Variants in SVEP1 observed in about 807,000 individuals in gnomAD.
The protein encoded by SVEP1 is sushi, von Willebrand factor type A, EGF and pentraxin domain-containing protein 1.
SVEP1 carries 164 observed loss-of-function variants against 367.3 expected under a neutral mutation model. That is an observed-to-expected ratio of 0.45 (90% CI 0.39 to 0.51). The LOEUF is 0.51. Among genes scored for constraint, SVEP1 ranks in the 20% least tolerant of loss-of-function variants. SVEP1 has a pLI of 0.00. For synonymous variants in SVEP1, 1,666 were observed against 1,611.6 expected, an observed-to-expected ratio of 1.03 and a Z score of -0.81; for missense variants, 4,117 against 4,425.3, an observed-to-expected ratio of 0.93 and a Z score of 1.98.
chr9:110,468,884 CA>C, intron 17 of SVEP1, 55 bp downstream of exon 17: 1 of 1,482,896 alleles, frequency 6.7e-7, no homozygotes, highest in Non-Finnish European at 9.0e-7. Context: ...TTCTTTCCCC[CA>C]AAAGGGAAAC....
chr9:110,385,615 A>T (rs1827509489), intron 43 of SVEP1, among the ~76,000 whole-genome samples: 1 of 152,226 alleles, frequency 6.6e-6, no homozygotes, highest in African/African-American at 2.4e-5. Flanking sequence ...GACAGTGTGG[A>T]GAAAAATTTG....
chr9:110,378,479 T>C (rs982317667), intron 44 of SVEP1, among the ~76,000 whole-genome samples: 20 of 152,136 alleles, frequency 1.3e-4, no homozygotes, highest in African/African-American at 2.4e-5. Context: ...TTTGAGTTCA[T>C]TGTAGATTCT....
rs1186508009 is a variant in SVEP1, at chr9:110,458,477, G to C, written c.3570C>G (p.Ser1190Arg). The change falls in exon 20 of 48, where the codon AGC (serine) becomes AGG (arginine). Residue 1190 changes from serine to arginine, a missense_variant. By Grantham distance (110) the Ser-to-Arg change is moderately radical (BLOSUM62 -1). Coordinates refer to ENST00000374469, the MANE Select transcript of SVEP1 (RefSeq NM_153366.4). ...TTATGCAAAATGAACTTGCCTGACT[G>C]CTGATTTCATGCCTCTTTTTAATAT... ...LGHIKKRHEI[S>R]SQVFHECFFN... is the part of the protein sequence containing the mutation. The C allele has an allele frequency of 6.2e-7, 1 of 1,611,934 alleles. No individual in the cohort carries two copies. The highest frequency in any genetic ancestry group is 8.5e-7 in the Non-Finnish European group (1 of 1,179,104).
Position 110,532,813 on chromosome 9 carries a change from C to T in SVEP1, c.964+13302G>A, listed in dbSNP as rs1194619163. On this transcript the variant is annotated intron_variant, in intron 3 of 47. Transcript: ENST00000374469. Reference sequence around the variant, plus strand: ...GCTAGGTAATAGTAGCTCTTTCCAGCTATGACAACCAAAGTTTCCTCCAGA... The same window carrying T: ...GCTAGGTAATAGTAGCTCTTTCCAGTTATGACAACCAAAGTTTCCTCCAGA... 1.1e-4 allele frequency among the ~76,000 whole-genome samples: 17 copies of T among 152,050 alleles called. 1 individual carries two copies.
In SVEP1 at chr9:110,411,671, G is replaced by T. The variant is rs1390511331; in HGVS notation, c.6040C>A (p.Gln2014Lys). The part of the protein sequence containing the change: ...LADGKWSRSD[Q>K]QCLAVSCDEP... Reference sequence around the variant, plus strand: ...TCACAGGAGACAGCCAGGCACTGCTGGTCACTTCTACTCCACTTGCCGTCG... The same window carrying T: ...TCACAGGAGACAGCCAGGCACTGCTTGTCACTTCTACTCCACTTGCCGTCG... The change falls in exon 37 of 48, where the codon CAG (glutamine) becomes AAG (lysine). Residue 2014 changes from glutamine to lysine, a missense_variant. Physicochemically the swap from Gln to Lys is moderately conservative, Grantham distance 53 (BLOSUM62 1). This residue lies in a region of SVEP1 where 2,174 missense variants were observed against 2,494.3 expected (regional missense o/e 0.87). Transcript: ENST00000374469. 27 of 1,604,834 alleles carry T rather than the reference G, an allele frequency of 1.7e-5. No individual in the cohort carries two copies. The highest frequency in any genetic ancestry group is 2.3e-5 in the Non-Finnish European group (27 of 1,175,650).
At chr9:110,435,446 A>G in intron 28 of SVEP1, 82 bp from the exon 29 acceptor site, 1 of 1,497,986 alleles carries the variant, frequency 6.7e-7, no homozygotes, top group South Asian at 1.3e-5. Context: ...GTCCTATTGA[A>G]AACATTCACA....
intron 9 of SVEP1, among the ~76,000 whole-genome samples, chr9:110,485,466 A>C (rs550415168): frequency 6.6e-6 from 1 of 152,278 alleles, no homozygotes; most frequent in Admixed American, 6.5e-5. Flanking sequence ...CAGGATAAAC[A>C]GCTAATTCAT....
chr9:110,373,314 TG>T (rs1827303982), intron 46 of SVEP1, among the ~76,000 whole-genome samples: 1 of 152,204 alleles, frequency 6.6e-6, no homozygotes, highest in African/African-American at 2.4e-5. Flanking sequence ...CATTCATGAA[TG>T]GCTCAATTTT....
intron 2 of SVEP1, 150 bp downstream of exon 2, chr9:110,549,699 A>T: frequency 9.6e-7 from 1 of 1,039,814 alleles, no homozygotes; most frequent in Non-Finnish European, 1.4e-6. Flanking sequence ...GAAGTTCAGC[A>T]CATTTCATGA....
chr9:110,408,090 TCTC>T lies in SVEP1; in HGVS notation c.7507_7509del (p.Glu2503del). The T allele has an allele frequency of 6.2e-7, 1 of 1,613,904 alleles. No individual in the cohort carries two copies. Among genetic ancestry groups the T allele is most frequent in the Non-Finnish European group, 8.5e-7 (1 of 1,179,848 alleles). ...GTGTAAGAGAATTTGCCATTCAAAATCTCCTTGGGTTTCAGGCACTCAATGGCT... is the reference window on the plus strand; with the variant it reads ...GTGTAAGAGAATTTGCCATTCAAAATCTTGGGTTTCAGGCACTCAATGGCT... On this transcript the variant is annotated inframe_deletion, in exon 38 of 48. Transcript: ENST00000374469.
At chr9:110,409,302 A>G (rs1588039782) in intron 37 of SVEP1, among the ~76,000 whole-genome samples, 1 of 152,244 alleles carries the variant, frequency 6.6e-6, no homozygotes, top group Middle Eastern at 3.4e-3. Flanking sequence ...TGTGCCTGTA[A>G]TCTCAGCCAT....
intron 9 of SVEP1, among the ~76,000 whole-genome samples, chr9:110,485,290 C>T (rs1277233202): frequency 7.2e-5 from 11 of 152,256 alleles, no homozygotes; most frequent in South Asian, 4.1e-4. Flanking sequence ...TGCAGGGACA[C>T]GGATGGAGCT....
At chr9:110,494,573 A>G (rs1404549541) in intron 8 of SVEP1, among the ~76,000 whole-genome samples, 2 of 152,196 alleles carry the variant, frequency 1.3e-5, no homozygotes, top group Admixed American at 6.5e-5. Context: ...TGTACATATA[A>G]TTTAGCATCT....
rs550609171 is a variant in SVEP1, at chr9:110,496,938, C to T, written c.1682-5G>A. On this transcript the variant is annotated splice_polypyrimidine_tract_variant and splice_region_variant and intron_variant, in intron 7 of 47. Transcript: ENST00000374469. ...TGATTTGAGGAGCCTCCACGTCTAACTCAGAAAAATACACAAGTAGATTAA... is the reference window on the plus strand; with the variant it reads ...TGATTTGAGGAGCCTCCACGTCTAATTCAGAAAAATACACAAGTAGATTAA... The T allele has an allele frequency of 4.8e-5, 74 of 1,528,208 alleles. No individual in the cohort carries two copies. Among genetic ancestry groups the T allele is most frequent in the Non-Finnish European group, 6.0e-5 (68 of 1,129,768 alleles). The allele number at this position is 1,528,208 out of a possible 1,614,324, so 94.7% of individuals were successfully genotyped here. A position where few individuals can be genotyped will look rare whatever the true frequency, so the allele number is the denominator to read the frequency against.
chr9:110,426,357 C>T (rs774993176), intron 36 of SVEP1, among the ~76,000 whole-genome samples: 17 of 152,056 alleles, frequency 1.1e-4, no homozygotes, highest in Admixed American at 4.6e-4. Flanking sequence ...ATAATAATGG[C>T]TAAGTTTGTT....
At chr9:110,550,724 A>C (rs1401258874) in intron 1 of SVEP1, among the ~76,000 whole-genome samples, 1 of 152,216 alleles carries the variant, frequency 6.6e-6, no homozygotes, top group African/African-American at 2.4e-5. Flanking sequence ...CTAGCATAAA[A>C]ATAGCTAGTT....
rs774032315 is a variant in SVEP1, at chr9:110,468,956, G to A, written c.3144C>T (p.Asn1048=). Residue 1048 remains asparagine, a synonymous_variant, in exon 17 of 48, where the codon AAC becomes AAT. Transcript: ENST00000374469. The part of the protein sequence containing the change: ...GMYTEYIHSR[N]ISDCKAQCKQ... ...AGCCTCTACCTTTACAATCAGAGATGTTTCTTGAATGGATATATTCCGTGT... is the reference window on the plus strand; with the variant it reads ...AGCCTCTACCTTTACAATCAGAGATATTTCTTGAATGGATATATTCCGTGT... The A allele has an allele frequency of 1.3e-6, 2 of 1,595,750 alleles. No homozygotes were observed. Among genetic ancestry groups the A allele is most frequent in the African/African-American group, 1.3e-5 (1 of 74,316 alleles).
At chr9:110,398,022 CTG>C (rs1554711634) in intron 40 of SVEP1, among the ~76,000 whole-genome samples, 8 of 142,768 alleles carry the variant, frequency 5.6e-5, no homozygotes, top group South Asian at 2.2e-4. Context: ...CAAAAAAGAG[CTG>C]CGTCACCAAG....
chr9:110,546,314 G>T, intron 2 of SVEP1, 23 bp from the exon 3 acceptor site: 1 of 1,551,318 alleles, frequency 6.4e-7, no homozygotes, highest in Non-Finnish European at 8.7e-7. Context: ...TATGACAGAG[G>T]GCGATAAAAA....
Sources: allele counts gnomAD v4.1 joint callset (sites outside exome capture counted in the v4.1 genomes callset), GRCh38; gene constraint gnomAD v4.1.1; regional missense constraint gnomAD v4.1.1; transcripts MANE v1.5; gene names NCBI Gene and HGNC (gene_info 2026-07-23, HGNC 2026-07-21).